The following PPFIA1 variants were observed in gnomAD, a reference collection of about 807,000 sequenced individuals.
The protein encoded by PPFIA1 is liprin-alpha-1.
A neutral mutation model predicts 149.9 loss-of-function variants in PPFIA1; 25 were observed. The observed-to-expected ratio is 0.17, with a 90% CI of 0.12 to 0.23. The LOEUF is 0.23. PPFIA1 is among the 10% of genes least tolerant of loss of function. The pLI, the probability that PPFIA1 is intolerant of heterozygous loss-of-function variation, is 1.00. For missense variants in PPFIA1, 1,362 were observed against 1,506.5 expected (o/e 0.90, Z 1.59); for synonymous variants, 549 against 552.8 (o/e 0.99, Z 0.10).
In PPFIA1 at chr11:70,369,797, T is replaced by C. The variant is rs188341067; in HGVS notation, c.2866-2418T>C. 1.2e-3 allele frequency among the ~76,000 whole-genome samples: 183 copies of C among 152,290 alleles called. 1 individual carries two copies. Among genetic ancestry groups the C allele is most frequent in the African/African-American group, 4.0e-3 (168 of 41,554 alleles). On this transcript the variant is annotated intron_variant, in intron 21 of 27. Coordinates refer to ENST00000253925, the MANE Select transcript of PPFIA1 (RefSeq NM_003626.5). ...TGAATCTATATTGATGTCCCCTCTT[T>C]GTTGTCATTTTGTGTTTGTTTTTGA... is the stretch of plus-strand genomic sequence containing the variant.
intron 2 of PPFIA1, among the ~76,000 whole-genome samples, chr11:70,303,125 C>T (rs1209903123): frequency 1.3e-5 from 2 of 152,190 alleles, no homozygotes; most frequent in Non-Finnish European, 2.9e-5. Flanking sequence ...TCTGTTAAAA[C>T]ACTGGCCAGC....
chr11:70,334,635 A>T lies in PPFIA1; in HGVS notation c.1297-928A>T, dbSNP rs370311179. ...CATGATGTGCTGGACCCTTTCAGGT[A>T]ATGATAGTTGCTACATGTTAGACCT... On this transcript the variant is annotated intron_variant, in intron 10 of 27. Transcript: ENST00000253925. The T allele has an allele frequency of 5.3e-5, 8 of 152,366 alleles. 1 individual carries two copies. In the East Asian group the frequency reaches 5.8e-4, roughly 11 times the overall value. 9.4% of individuals were successfully genotyped at this position (152,366 alleles called of 1,614,324 possible).
chr11:70,325,719 G>A (rs1055923647), intron 5 of PPFIA1, 145 bp downstream of exon 5: 1 of 580,732 alleles, frequency 1.7e-6, no homozygotes. Context: ...ATCACCTGAG[G>A]TCAGGAGTTC....
chr11:70,379,910 T>C (rs771833124), intron 26 of PPFIA1, among the ~76,000 whole-genome samples: 3 of 152,200 alleles, frequency 2.0e-5, no homozygotes, highest in African/African-American at 7.2e-5. Flanking sequence ...TTTTACAAAT[T>C]AGCATTTTTC....
Position 70,336,713 on chromosome 11 carries a change from G to A in PPFIA1, c.1429-652G>A, listed in dbSNP as rs146145807. Among the ~76,000 whole-genome samples the A allele has an allele frequency of 5.0e-4, 76 of 152,242 alleles. No individual in the cohort carries two copies. The East Asian group carries it at 0.014, about 27-fold the overall frequency. ...CATGTTAGCTGTCACCAGAGCGAAG[G>A]GATATCCTAGAATCTGTGTCGGAGA... On this transcript the variant is annotated intron_variant, in intron 11 of 27. Transcript: ENST00000253925.
At chr11:70,314,627 A>G (rs2053487422) in intron 2 of PPFIA1, among the ~76,000 whole-genome samples, 2 of 152,202 alleles carry the variant, frequency 1.3e-5, no homozygotes, top group African/African-American at 2.4e-5. Flanking sequence ...AAAAATACAT[A>G]AAAGCGTGTG....
At chr11:70,272,591 G>A (rs1001039552) in intron 2 of PPFIA1, among the ~76,000 whole-genome samples, 155 bp downstream of exon 2, 1 of 152,102 alleles carries the variant, frequency 6.6e-6, no homozygotes, top group African/African-American at 2.4e-5. Flanking sequence ...AAGTTCCTAG[G>A]GATTAAACTT....
intron 23 of PPFIA1, 102 bp downstream of exon 23, chr11:70,372,676 T>G (rs2057323937): frequency 2.1e-6 from 2 of 945,060 alleles, no homozygotes; most frequent in Admixed American, 2.3e-5. Flanking sequence ...AAGGCTAAAT[T>G]TAAGTGGAGA....
Position 70,376,615 on chromosome 11 carries a change from TA to T in PPFIA1, c.3384+17del. On this transcript the variant is annotated intron_variant, in intron 25 of 27. Coordinates refer to ENST00000253925, the MANE Select transcript of PPFIA1 (RefSeq NM_003626.5). ...GGTTTGATGAAGTAAGTTTTTGGCC[TA>T]ATGTTCTTTAAATGTCTGAAATGTG... 1.3e-6 allele frequency: 2 copies of T among 1,575,358 alleles called. No homozygotes were observed. The highest frequency in any genetic ancestry group is 8.7e-7 in the Non-Finnish European group (1 of 1,144,818).
chr11:70,324,397 T>C lies in PPFIA1; in HGVS notation c.265-5T>C, dbSNP rs746567940. 1.3e-6 allele frequency: 2 copies of C among 1,593,310 alleles called. No individual in the cohort carries two copies. Among genetic ancestry groups the C allele is most frequent in the Non-Finnish European group, 1.7e-6 (2 of 1,168,144 alleles). On this transcript the variant is annotated splice_polypyrimidine_tract_variant and splice_region_variant and intron_variant, in intron 2 of 27. Coordinates refer to ENST00000253925, the MANE Select transcript of PPFIA1 (RefSeq NM_003626.5). ...TTTATTTAATTTTGTTTTGTGATTTTCTAGGAGTTCGCAGCACTTACTAAA... is the reference window on the plus strand; with the variant it reads ...TTTATTTAATTTTGTTTTGTGATTTCCTAGGAGTTCGCAGCACTTACTAAA...
In PPFIA1 at chr11:70,289,285, T is replaced by C. The variant is rs1202479274; in HGVS notation, c.264+16849T>C. 2.6e-5 allele frequency among the ~76,000 whole-genome samples: 4 copies of C among 152,160 alleles called. No individual in the cohort carries two copies. In the East Asian group the frequency reaches 7.7e-4, roughly 29 times the overall value. ...TGTGCCTGGCTGAAGGTAGCATCTT[T>C]TATGTCCTTTCATTGGACAGAGCTA... is the stretch of plus-strand genomic sequence containing the variant. On this transcript the variant is annotated intron_variant, in intron 2 of 27. Transcript: ENST00000253925.
At chr11:70,381,812 G>A (rs2057725090) in intron 26 of PPFIA1, among the ~76,000 whole-genome samples, 1 of 152,228 alleles carries the variant, frequency 6.6e-6, no homozygotes, top group South Asian at 2.1e-4. Flanking sequence ...TTATGCAGAT[G>A]TACATTTTGA....
chr11:70,344,976 G>T (rs1339383713), intron 15 of PPFIA1, among the ~76,000 whole-genome samples: 1 of 152,036 alleles, frequency 6.6e-6, no homozygotes, highest in African/African-American at 2.4e-5. Context: ...CCCAACTGGG[G>T]CAGGAGGCCT....
intron 2 of PPFIA1, among the ~76,000 whole-genome samples, chr11:70,302,212 G>A (rs889525560): frequency 5.3e-5 from 8 of 152,236 alleles, no homozygotes; most frequent in Admixed American, 1.3e-4. Context: ...GGGATCGTGG[G>A]GATGGCAGCA....
chr11:70,354,344 T>G lies in PPFIA1; in HGVS notation c.2207T>G (p.Ile736Arg). The part of the protein sequence containing the change: ...REEVRDDKTT[I>R]KCETSPPSSP... ...GAGGTACGAGATGACAAGACAACCA[T>G]AAAGTGTGAAACCTCCCCGCCTTCC... The change falls in exon 17 of 28, where the codon ATA becomes AGA. Residue 736 changes from isoleucine (I) to arginine (R), a missense_variant. By Grantham distance (97) the Ile-to-Arg change is moderately conservative. Coordinates refer to ENST00000253925, the MANE Select transcript of PPFIA1 (RefSeq NM_003626.5). 1.2e-6 allele frequency: 2 copies of G among 1,613,938 alleles called. No homozygotes were observed. The highest frequency in any genetic ancestry group is 1.7e-6 in the Non-Finnish European group (2 of 1,179,980).
chr11:70,359,658 T>C (rs1285045418), intron 19 of PPFIA1, among the ~76,000 whole-genome samples: 1 of 152,224 alleles, frequency 6.6e-6, no homozygotes, highest in Non-Finnish European at 1.5e-5. Context: ...TTACATACTG[T>C]TTGATCAGCA....
chr11:70,355,861 G>A (rs1257672609), intron 18 of PPFIA1, 50 bp downstream of exon 18: 1 of 1,566,816 alleles, frequency 6.4e-7, no homozygotes, highest in East Asian at 2.2e-5. Context: ...CGGGGAGGAA[G>A]GCACTGCCTT....
chr11:70,310,466 A>T (rs1026187869), intron 2 of PPFIA1, among the ~76,000 whole-genome samples: 1 of 151,032 alleles, frequency 6.6e-6, no homozygotes, highest in Non-Finnish European at 1.5e-5. Context: ...GCTCACTGCA[A>T]CCTCTGCCTC....
chr11:70,312,649 C>T (rs1009226337), intron 2 of PPFIA1, among the ~76,000 whole-genome samples: 4 of 152,196 alleles, frequency 2.6e-5, no homozygotes, highest in South Asian at 2.1e-4. Flanking sequence ...GCCTCAACAT[C>T]GTGGAGCCTG....
Sources: gnomAD v4.1 joint callset for allele counts (sites outside exome capture counted in the v4.1 genomes callset) on GRCh38, gnomAD v4.1.1 for gene constraint, MANE v1.5 for transcripts, NCBI Gene and HGNC (gene_info 2026-07-23, HGNC 2026-07-21) for gene names.